SNX29: variants seen among roughly 807,000 people sequenced by gnomAD.
The protein encoded by SNX29 is sorting nexin-29.
A neutral mutation model predicts 102.1 loss-of-function variants in SNX29; 78 were observed. That is an observed-to-expected ratio of 0.76 (90% CI 0.64 to 0.92). The LOEUF (loss-of-function observed/expected upper bound fraction) is 0.92, where lower values mean the gene tolerates loss of function less well. Ranked by LOEUF, SNX29 falls within the 40% of genes least tolerant of loss-of-function variation. The pLI is 0.00. For synonymous variants in SNX29, 580 were observed against 414.5 expected (o/e 1.40, Z -4.85); for missense variants, 1,280 against 1,061.7 (o/e 1.21, Z -2.86).
At chr16:12,199,525 C>T in intron 13 of SNX29, 76 bp from the exon 14 acceptor site, 1 of 1,283,168 alleles carries the variant, frequency 7.8e-7, no homozygotes, top group Non-Finnish European at 1.1e-6. Flanking sequence ...AATTCACCAC[C>T]CACCCCTGCC....
intron 14 of SNX29, among the ~76,000 whole-genome samples, chr16:12,211,557 GGT>G (rs112433222): frequency 7.9e-5 from 12 of 151,522 alleles, no homozygotes; most frequent in Middle Eastern, 3.4e-3. Flanking sequence ...GACCAATAGG[GGT>G]GTGTGTGTGT....
At chr16:12,139,979 T>TGAAAAAAAAAAAAAAAAAAAAAAA (rs144110763) in intron 13 of SNX29, among the ~76,000 whole-genome samples, 1 of 63,070 alleles carries the variant, frequency 1.6e-5, no homozygotes, top group Non-Finnish European at 3.0e-5. Context: ...ATACCCTGTC[T>TGAAAAAAAAAAAAAAAAAAAAAAA]CAAAAAAAAA....
At chr16:11,979,770 G>C (rs1328683556) in intron 1 of SNX29, among the ~76,000 whole-genome samples, 1 of 151,960 alleles carries the variant, frequency 6.6e-6, no homozygotes, top group African/African-American at 2.4e-5. Context: ...TTTTAGTAGA[G>C]ATGGAGTTTC....
intron 14 of SNX29, among the ~76,000 whole-genome samples, chr16:12,230,660 C>T (rs1187986657): frequency 6.6e-6 from 1 of 152,134 alleles, no homozygotes; most frequent in Non-Finnish European, 1.5e-5. Context: ...TTGAATGCCC[C>T]AAATGCTTAT....
At chr16:12,113,139 G>A (rs2053563544) in intron 11 of SNX29, among the ~76,000 whole-genome samples, 1 of 152,226 alleles carries the variant, frequency 6.6e-6, no homozygotes, top group South Asian at 2.1e-4. Flanking sequence ...CTCCAGGACT[G>A]AGGAAGTGGA....
rs1162244612 is a variant in SNX29 at position 12,570,798 on chromosome 16, G to A, written c.*2169G>A. The A allele has an allele frequency of 8.6e-6, 2 of 232,238 alleles. No individual in the cohort carries two copies. Among genetic ancestry groups the A allele is most frequent in the East Asian group, 6.1e-5 (1 of 16,474 alleles). The allele number at this position is 232,238 out of a possible 1,614,324, so 14.4% of individuals were successfully genotyped here. A position where few individuals can be genotyped will look rare whatever the true frequency, so the allele number is the denominator to read the frequency against. On this transcript the variant is annotated 3_prime_UTR_variant, in exon 21 of 21. Transcript: ENST00000566228. ...AATAATGCAACAGTCCCCCATTGCT[G>A]AGAGATACTAACCCGTGAGAAACAA...
chr16:12,368,244 T>C (rs1041302037), intron 16 of SNX29, among the ~76,000 whole-genome samples: 1 of 152,224 alleles, frequency 6.6e-6, no homozygotes, highest in Non-Finnish European at 1.5e-5. Flanking sequence ...CATCCAGCTG[T>C]GGAACTTTAC....
At chr16:12,218,316 A>G (rs564217912) in intron 14 of SNX29, among the ~76,000 whole-genome samples, 31 of 146,864 alleles carry the variant, frequency 2.1e-4, no homozygotes, top group African/African-American at 8.0e-4. Context: ...TAATCACACA[A>G]ATCTACTCCA....
intron 1 of SNX29, among the ~76,000 whole-genome samples, chr16:11,995,905 C>A (rs1222745841): frequency 6.6e-6 from 1 of 151,924 alleles, no homozygotes; most frequent in Non-Finnish European, 1.5e-5. Context: ...ACTGAAAATA[C>A]AAAAATTAGC....
intron 15 of SNX29, among the ~76,000 whole-genome samples, chr16:12,323,792 G>A (rs1293071468): frequency 6.6e-6 from 1 of 152,166 alleles, no homozygotes; most frequent in Admixed American, 6.5e-5. Context: ...TTCTTCATCT[G>A]TGATGTGGAC....
At chr16:12,256,832 C>G (rs1798632545) in intron 14 of SNX29, among the ~76,000 whole-genome samples, 1 of 152,166 alleles carries the variant, frequency 6.6e-6, no homozygotes, top group Non-Finnish European at 1.5e-5. Flanking sequence ...TCCACATGCT[C>G]ACAACCATTG....
intron 14 of SNX29, among the ~76,000 whole-genome samples, chr16:12,202,668 A>T (rs1031683213): frequency 6.6e-5 from 10 of 151,920 alleles, no homozygotes; most frequent in African/African-American, 2.2e-4. Flanking sequence ...TTATGAAAGT[A>T]GGAAATCACT....
intron 16 of SNX29, among the ~76,000 whole-genome samples, chr16:12,357,755 A>G (rs905691151): frequency 5.9e-5 from 9 of 151,744 alleles, no homozygotes; most frequent in African/African-American, 1.7e-4. Flanking sequence ...TGAATCCACT[A>G]CTGTCTTAGG....
Position 12,061,603 on chromosome 16 carries a change from C to T in SNX29, c.1200C>T (p.Asp400=), listed in dbSNP as rs748727004. 1 of 1,612,186 alleles carries T rather than the reference C, an allele frequency of 6.2e-7. No individual in the cohort carries two copies. Among genetic ancestry groups the T allele is most frequent in the Non-Finnish European group, 8.5e-7 (1 of 1,179,360 alleles). The part of the protein sequence containing the change: ...APLKVLHNDS[D]ILFPVSGVGS... ...TGAAGGTGCTGCACAATGACTCCGA[C>T]ATCCTCTTCCCTGTCAGTGGCGTGG... The change falls in exon 9 of 21, where the codon GAC becomes GAT. Residue 400 remains aspartate, a synonymous_variant. Transcript: ENST00000566228.
intron 15 of SNX29, among the ~76,000 whole-genome samples, chr16:12,294,674 T>A (rs2079920284): frequency 6.6e-6 from 1 of 152,132 alleles, no homozygotes; most frequent in Admixed American, 6.5e-5. Flanking sequence ...TCAGGTCCTT[T>A]CAGTAACAGC....
intron 13 of SNX29, among the ~76,000 whole-genome samples, chr16:12,152,045 C>T (rs1027669859): frequency 2.0e-5 from 3 of 151,970 alleles, no homozygotes; most frequent in East Asian, 1.9e-4. Flanking sequence ...GTGGTGAAAC[C>T]GCATCTCTAC....
In SNX29 at chr16:12,088,615, T is replaced by A. The variant is rs138140308; in HGVS notation, c.1402+9700T>A. ...AGATTTCTTTCTTTGTATTTTCTTC[T>A]GTTCTTTTACTGTTTGCTGGATCCC... On this transcript the variant is annotated intron_variant, in intron 11 of 20. Transcript: ENST00000566228. Among the ~76,000 whole-genome samples, 104 of 152,338 alleles carry A rather than the reference T, an allele frequency of 6.8e-4. 1 individual carries two copies. Among genetic ancestry groups the A allele is most frequent in the African/African-American group, 2.4e-3 (98 of 41,572 alleles).
chr16:12,498,094 C>T (rs1003094888), intron 19 of SNX29, among the ~76,000 whole-genome samples: 2 of 152,108 alleles, frequency 1.3e-5, no homozygotes, highest in Non-Finnish European at 2.9e-5. Context: ...GAGGTGCCAC[C>T]AGAATTGAGT....
intron 14 of SNX29, among the ~76,000 whole-genome samples, chr16:12,208,555 T>C (rs1404994665): frequency 2.0e-5 from 3 of 152,158 alleles, no homozygotes; most frequent in Non-Finnish European, 2.9e-5. Flanking sequence ...TTTGGGAGGC[T>C]GAGTCAGGAT....
Sources: allele counts gnomAD v4.1 joint callset (sites outside exome capture counted in the v4.1 genomes callset), GRCh38; gene constraint gnomAD v4.1.1; transcripts MANE v1.5; gene names NCBI Gene and HGNC (gene_info 2026-07-23, HGNC 2026-07-21).